Variants in PRKN observed in about 807,000 individuals in gnomAD.
PRKN encodes parkin RBR E3 ubiquitin protein ligase.
PRKN carries 56 observed loss-of-function variants against 59.5 expected under a neutral mutation model. The observed-to-expected ratio is 0.94, with a 90% CI of 0.76 to 1.18. PRKN has a LOEUF of 1.18. Ranked by LOEUF, PRKN falls within the 50% of genes most tolerant of loss-of-function variation. The pLI is 0.00. For missense variants in PRKN, 657 were observed against 596.4 expected, an observed-to-expected ratio of 1.10 and a Z score of -1.06; for synonymous variants, 250 against 222.1, an observed-to-expected ratio of 1.13 and a Z score of -1.12.
intron 1 of PRKN, among the ~76,000 whole-genome samples, chr6:162,576,673 G>A (rs760882505): frequency 5.9e-5 from 9 of 152,098 alleles, no homozygotes; most frequent in African/African-American, 7.2e-5. Flanking sequence ...TTAGCTGGGC[G>A]TGGTGGCGCA....
intron 7 of PRKN, among the ~76,000 whole-genome samples, chr6:161,737,378 G>A (rs1344420489): frequency 6.6e-6 from 1 of 152,204 alleles, no homozygotes; most frequent in African/African-American, 2.4e-5. Flanking sequence ...GAACATGAAT[G>A]AAGAGCAGAG....
At chr6:161,911,472 T>G (rs1172679803) in intron 6 of PRKN, among the ~76,000 whole-genome samples, 1 of 152,196 alleles carries the variant, frequency 6.6e-6, no homozygotes, top group Non-Finnish European at 1.5e-5. Flanking sequence ...GCCATTTCTA[T>G]CAGAACTCCT....
rs114823690 is a variant in PRKN, at chr6:161,716,851, C to A, written c.871+68921G>T. On this transcript the variant is annotated intron_variant, in intron 7 of 11. Transcript: ENST00000366898. ...GAGAGACCAGGCGGCTGGGAAGAGGCCTTCAGCTTAGAAACAATAAGCAAC... is the reference window on the plus strand; with the variant it reads ...GAGAGACCAGGCGGCTGGGAAGAGGACTTCAGCTTAGAAACAATAAGCAAC... 5.2e-3 allele frequency among the ~76,000 whole-genome samples: 789 copies of A among 152,252 alleles called. 7 individuals carry two copies. Among genetic ancestry groups the A allele is most frequent in the African/African-American group, 0.018 (742 of 41,540 alleles).
intron 1 of PRKN, among the ~76,000 whole-genome samples, chr6:162,447,193 G>C (rs1017594871): frequency 7.9e-5 from 12 of 152,138 alleles, no homozygotes; most frequent in Non-Finnish European, 1.5e-5. Context: ...GCACCTAGAG[G>C]AGGTAGAGCT....
intron 7 of PRKN, among the ~76,000 whole-genome samples, chr6:161,573,753 A>ATT (rs1562534920): frequency 0.029 from 721 of 24,670 alleles, 48 homozygotes; most frequent in Non-Finnish European, 0.032. Flanking sequence ...AAAAAAAAAA[A>ATT]AAATATATAT....
chr6:161,775,471 T>C (rs1789884272), intron 7 of PRKN, among the ~76,000 whole-genome samples: 1 of 152,144 alleles, frequency 6.6e-6, no homozygotes, highest in Admixed American at 6.5e-5. Context: ...CTCAAATTCC[T>C]AGGCTTAAGT....
At chr6:161,493,549 G>A (rs567019783) in intron 9 of PRKN, among the ~76,000 whole-genome samples, 5 of 152,282 alleles carry the variant, frequency 3.3e-5, no homozygotes, top group Admixed American at 6.5e-5. Context: ...ATAGATGGAC[G>A]AACGGAAGGA....
At chr6:162,531,114 C>G (rs1167592499) in intron 1 of PRKN, among the ~76,000 whole-genome samples, 1 of 150,612 alleles carries the variant, frequency 6.6e-6, no homozygotes, top group Non-Finnish European at 1.5e-5. Flanking sequence ...CGCCTGTAAT[C>G]CCAGCACTTT....
At chr6:161,826,901 C>A (rs1792267597) in intron 6 of PRKN, among the ~76,000 whole-genome samples, 1 of 152,124 alleles carries the variant, frequency 6.6e-6, no homozygotes, top group African/African-American at 2.4e-5. Flanking sequence ...AATCTAAATC[C>A]CATAGTGTGT....
At chr6:162,477,179 T>C (rs957060583) in intron 1 of PRKN, among the ~76,000 whole-genome samples, 3 of 152,218 alleles carry the variant, frequency 2.0e-5, no homozygotes, top group Non-Finnish European at 4.4e-5. Flanking sequence ...TCTATTTTCC[T>C]GAAATCACAC....
intron 1 of PRKN, among the ~76,000 whole-genome samples, chr6:162,532,508 T>C (rs948439637): frequency 6.6e-6 from 1 of 152,214 alleles, no homozygotes; most frequent in Non-Finnish European, 1.5e-5. Flanking sequence ...TCAGTCTTTA[T>C]GATGTCTGAC....
chr6:162,540,439 A>G (rs1405011936), intron 1 of PRKN, among the ~76,000 whole-genome samples: 3 of 152,152 alleles, frequency 2.0e-5, no homozygotes, highest in East Asian at 3.9e-4. Context: ...AGGTAGGCAG[A>G]ATACAATCCT....
At chr6:162,159,594 T>C (rs755778660) in intron 4 of PRKN, among the ~76,000 whole-genome samples, 5 of 152,196 alleles carry the variant, frequency 3.3e-5, no homozygotes, top group South Asian at 2.1e-4. Context: ...TTTGTAGAAA[T>C]TGACAAGAAA....
chr6:162,681,785 C>A (rs2128232941), intron 1 of PRKN, among the ~76,000 whole-genome samples: 1 of 152,156 alleles, frequency 6.6e-6, no homozygotes. Flanking sequence ...CAATGGGAAA[C>A]CTCTAGGGGG....
In PRKN at chr6:161,891,861, T is replaced by G. The variant is rs886076140; in HGVS notation, c.734+81441A>C. Among the ~76,000 whole-genome samples, 6 of 152,358 alleles carry G rather than the reference T, an allele frequency of 3.9e-5. No individual in the cohort carries two copies. In the South Asian group the frequency reaches 1.2e-3, roughly 32 times the overall value. On this transcript the variant is annotated intron_variant, in intron 6 of 11. Coordinates refer to ENST00000366898, the MANE Select transcript of PRKN (RefSeq NM_004562.3). The stretch of plus-strand genomic sequence containing the variant: ...AAGCAAATATGTAGGTTAAGAGCCC[T>G]GTTCGACCTTCAGAGATCATGCTGT...
chr6:161,521,562 C>T (rs548374682), intron 9 of PRKN, among the ~76,000 whole-genome samples: 2 of 152,302 alleles, frequency 1.3e-5, no homozygotes, highest in African/African-American at 4.8e-5. Flanking sequence ...TGAAAGATAA[C>T]CACTGACTGT....
chr6:162,549,632 C>A lies in PRKN; in HGVS notation c.8-106159G>T, dbSNP rs986892987. Reference sequence around the variant, plus strand: ...AGACAAAACTAATAGTAATAGAATGCGATAATCTTTTTTTTTTTTTTTTTT... The same window carrying A: ...AGACAAAACTAATAGTAATAGAATGAGATAATCTTTTTTTTTTTTTTTTTT... On this transcript the variant is annotated intron_variant, in intron 1 of 11. Coordinates refer to ENST00000366898, the MANE Select transcript of PRKN (RefSeq NM_004562.3). Among the ~76,000 whole-genome samples the A allele has an allele frequency of 3.7e-5, 5 of 134,590 alleles. 1 individual carries two copies. Among genetic ancestry groups the A allele is most frequent in the African/African-American group, 5.7e-5 (2 of 35,254 alleles). The allele number at this position is 134,590 out of a possible 152,430, so 88.3% of individuals were successfully genotyped here.
intron 6 of PRKN, among the ~76,000 whole-genome samples, chr6:161,787,912 C>T (rs1790488576): frequency 6.6e-6 from 1 of 152,230 alleles, no homozygotes; most frequent in African/African-American, 2.4e-5. Context: ...TGCACTCCAG[C>T]CTGGGCTACA....
intron 2 of PRKN, among the ~76,000 whole-genome samples, chr6:162,355,151 T>C (rs1784796691): frequency 6.6e-6 from 1 of 151,648 alleles, no homozygotes; most frequent in Non-Finnish European, 1.5e-5. Context: ...GAGAATAATA[T>C]ATAGTTTCAT....
Sources: allele counts gnomAD v4.1 joint callset (sites outside exome capture counted in the v4.1 genomes callset), GRCh38; gene constraint gnomAD v4.1.1; transcripts MANE v1.5; gene names NCBI Gene and HGNC (gene_info 2026-07-23, HGNC 2026-07-21).